Variants in PDAP1 observed in about 807,000 individuals in gnomAD.
PDAP1 encodes 28 kDa heat- and acid-stable phosphoprotein.
In PDAP1, 13 loss-of-function variants were observed where a neutral mutation model predicts 28.0. That is an observed-to-expected ratio of 0.46 (90% CI 0.30 to 0.74). The LOEUF is 0.74. PDAP1 is among the 30% of genes least tolerant of loss of function. PDAP1 has a pLI of 0.07. For synonymous variants in PDAP1, 77 were observed against 85.1 expected (o/e 0.91, Z 0.52); for missense variants, 150 against 230.0 (o/e 0.65, Z 2.25).
chr7:99,399,808 C>T (rs935928584), intron 4 of PDAP1, among the ~76,000 whole-genome samples: 5 of 152,230 alleles, frequency 3.3e-5, no homozygotes, highest in African/African-American at 1.2e-4. Flanking sequence ...TGATCTTGAT[C>T]CTCATACGAC....
intron 4 of PDAP1, among the ~76,000 whole-genome samples, chr7:99,398,927 A>C (rs1040315795): frequency 1.3e-5 from 2 of 152,196 alleles, no homozygotes. Context: ...AAGTGTCAGG[A>C]ATGAACCCCC....
At chr7:99,398,141 C>T (rs1265531700) in intron 4 of PDAP1, 128 bp from the exon 5 acceptor site, 1 of 995,936 alleles carries the variant, frequency 1.0e-6, no homozygotes, top group South Asian at 1.4e-5. Flanking sequence ...GGCTGTGAGT[C>T]CCTGCCTCCA....
chr7:99,404,325 C>T (rs758438005), intron 2 of PDAP1, among the ~76,000 whole-genome samples: 2 of 152,114 alleles, frequency 1.3e-5, no homozygotes, highest in African/African-American at 2.4e-5. Flanking sequence ...TATTTCCTAA[C>T]GGTGGCCTGG....
intron 1 of PDAP1, among the ~76,000 whole-genome samples, chr7:99,405,289 CAT>C (rs1197974469): frequency 6.6e-6 from 1 of 152,100 alleles, no homozygotes; most frequent in Non-Finnish European, 1.5e-5. Context: ...ACCACAGAAA[CAT>C]GTACCACTTA....
chr7:99,395,502 A>G lies in PDAP1; in HGVS notation c.*1180T>C, dbSNP rs1794737272. The G allele has an allele frequency of 6.6e-6, 1 of 152,098 alleles. No homozygotes were observed. The highest frequency in any genetic ancestry group is 2.4e-5 in the African/African-American group (1 of 41,382). The allele number at this position is 152,098 out of a possible 1,614,324, so 9.4% of individuals were successfully genotyped here. A position where few individuals can be genotyped will look rare whatever the true frequency, so the allele number is the denominator to read the frequency against. On this transcript the variant is annotated 3_prime_UTR_variant, in exon 6 of 6. Transcript: ENST00000350498. ...TTTGTCATTACAATGTTGGCAAGATATTTTTTTCGTGTGCTGTAAACTGAG... is the reference window on the plus strand; with the variant it reads ...TTTGTCATTACAATGTTGGCAAGATGTTTTTTTCGTGTGCTGTAAACTGAG...
rs1303289494 is a variant in PDAP1, at chr7:99,396,469, T to G, written c.*213A>C. 2 of 602,810 alleles carry G rather than the reference T, an allele frequency of 3.3e-6. No homozygotes were observed. The highest frequency in any genetic ancestry group is 5.6e-5 in the East Asian group (2 of 35,736). The allele number at this position is 602,810 out of a possible 1,614,324, so 37.3% of individuals were successfully genotyped here. ...CATATGAAATGCTGTCCTGCATCTT[T>G]CTGTCTCAAAGATAGCAGCTACCCC... On this transcript the variant is annotated 3_prime_UTR_variant, in exon 6 of 6. Transcript: ENST00000350498.
At chr7:99,396,883 G>A (rs1482834964) in intron 5 of PDAP1, 143 bp from the exon 6 acceptor site, 4 of 670,188 alleles carry the variant, frequency 6.0e-6, no homozygotes, top group South Asian at 5.6e-5. Flanking sequence ...GCGTGGGAGA[G>A]GATTTCTGCT....
intron 4 of PDAP1, among the ~76,000 whole-genome samples, chr7:99,399,164 T>C (rs944290771): frequency 2.6e-5 from 4 of 151,790 alleles, no homozygotes; most frequent in African/African-American, 9.7e-5. Context: ...TGGGGAGTAA[T>C]GAGAAACCAG....
chr7:99,403,964 C>T (rs1026497461), intron 2 of PDAP1, among the ~76,000 whole-genome samples: 6 of 152,174 alleles, frequency 3.9e-5, no homozygotes, highest in Admixed American at 1.3e-4. Context: ...AGTCATCCCC[C>T]CGACCCACCC....
intron 3 of PDAP1, among the ~76,000 whole-genome samples, chr7:99,403,043 G>C (rs1476621484): frequency 6.6e-6 from 1 of 152,140 alleles, no homozygotes; most frequent in Non-Finnish European, 1.5e-5. Flanking sequence ...AACATGCCAA[G>C]CTTATTCCCA....
chr7:99,408,577 GC>G lies in PDAP1; in HGVS notation c.-30del. 1 of 1,270,034 alleles carries G rather than the reference GC, an allele frequency of 7.9e-7. No homozygotes were observed. Among genetic ancestry groups the G allele is most frequent in the Non-Finnish European group, 9.9e-7 (1 of 1,005,792 alleles). The allele number at this position is 1,270,034 out of a possible 1,614,324, so 78.7% of individuals were successfully genotyped here. A position where few individuals can be genotyped will look rare whatever the true frequency, so the allele number is the denominator to read the frequency against. ...GGCTCCGGCGGCTGCGGCGGCGGCGGCGGCGCCTCGAACTGACACCGGAACC... is the reference window on the plus strand; with the variant it reads ...GGCTCCGGCGGCTGCGGCGGCGGCGGGGCGCCTCGAACTGACACCGGAACC... On this transcript the variant is annotated 5_prime_UTR_variant, in exon 1 of 6. Transcript: ENST00000350498.
At chr7:99,399,252 A>G (rs1334830107) in intron 4 of PDAP1, among the ~76,000 whole-genome samples, 1 of 152,048 alleles carries the variant, frequency 6.6e-6, no homozygotes, top group Non-Finnish European at 1.5e-5. Context: ...AGCTGAGGAG[A>G]TAATACCTGG....
In PDAP1 at chr7:99,394,698, G is replaced by GGAA. The variant is rs545897506; in HGVS notation, c.*1983_*1984insTTC. The stretch of plus-strand genomic sequence containing the variant: ...TTTTTCTTAAATGCTTTCATTTATT[G>GGAA]AAAAAAAAAAAAAATGCCCCCAAAG... On this transcript the variant is annotated 3_prime_UTR_variant, in exon 6 of 6. Coordinates refer to ENST00000350498, the MANE Select transcript of PDAP1 (RefSeq NM_014891.7). 1.3e-6 allele frequency: 1 copy of GGAA among 762,656 alleles called. No individual in the cohort carries two copies. Among genetic ancestry groups the GGAA allele is most frequent in the African/African-American group, 2.0e-5 (1 of 48,956 alleles). The allele number at this position is 762,656 out of a possible 1,614,324, so 47.2% of individuals were successfully genotyped here. A position where few individuals can be genotyped will look rare whatever the true frequency, so the allele number is the denominator to read the frequency against.
Position 99,396,621 on chromosome 7 carries a change from A to G in PDAP1, c.*61T>C. On this transcript the variant is annotated 3_prime_UTR_variant, in exon 6 of 6. Transcript: ENST00000350498. ...GGCGCCAGGGCACAGGGTGGGCGAGACACAGCAGAGGTCCTGGCAGCGCGG... is the reference window on the plus strand; with the variant it reads ...GGCGCCAGGGCACAGGGTGGGCGAGGCACAGCAGAGGTCCTGGCAGCGCGG... 1 of 1,420,934 alleles carries G rather than the reference A, an allele frequency of 7.0e-7. No homozygotes were observed. The highest frequency in any genetic ancestry group is 9.9e-7 in the Non-Finnish European group (1 of 1,008,132). The allele number at this position is 1,420,934 out of a possible 1,614,324, so 88.0% of individuals were successfully genotyped here.
At chr7:99,403,358 G>GA in intron 3 of PDAP1, 40 bp downstream of exon 3, 1 of 1,211,098 alleles carries the variant, frequency 8.3e-7, no homozygotes, top group Non-Finnish European at 1.2e-6. Context: ...TTTGTTGAAT[G>GA]AATGAGTCCA....
intron 5 of PDAP1, among the ~76,000 whole-genome samples, chr7:99,397,542 A>C (rs1442779390): frequency 1.3e-5 from 2 of 152,184 alleles, no homozygotes; most frequent in African/African-American, 4.8e-5. Context: ...GGGACCTGTG[A>C]GCCTCAGGCA....
At position 99,396,170 on chromosome 7, in the gene PDAP1, GGTCA is replaced by G. The variant is rs1313502923; in HGVS notation, c.*508_*511del. 12 of 172,160 alleles carry G rather than the reference GGTCA, an allele frequency of 7.0e-5. No individual in the cohort carries two copies. In the South Asian group the frequency reaches 1.1e-3, roughly 16 times the overall value. The allele number at this position is 172,160 out of a possible 1,614,324, so 10.7% of individuals were successfully genotyped here. ...GAAGGGCAGAGAGGTGAGGCCCTGAGGTCAGTCAGACAGGACTGACCAGGGACAA... is the reference window on the plus strand; with the variant it reads ...GAAGGGCAGAGAGGTGAGGCCCTGAGGTCAGACAGGACTGACCAGGGACAA... On this transcript the variant is annotated 3_prime_UTR_variant, in exon 6 of 6. Transcript: ENST00000350498.
chr7:99,404,742 C>T lies in PDAP1; in HGVS notation c.105+120G>A, dbSNP rs1794938046. On this transcript the variant is annotated intron_variant, in intron 2 of 5. Transcript: ENST00000350498. ...TCACACCTGGGGCTCACTGCCCGCC[C>T]GACCCCCACGTGCTGGCTTGTCCCT... is the stretch of plus-strand genomic sequence containing the variant. 5.8e-6 allele frequency: 4 copies of T among 693,534 alleles called. No individual in the cohort carries two copies. In the South Asian group the frequency reaches 7.1e-5, roughly 12 times the overall value. The allele number at this position is 693,534 out of a possible 1,614,324, so 43.0% of individuals were successfully genotyped here. A position where few individuals can be genotyped will look rare whatever the true frequency, so the allele number is the denominator to read the frequency against.
intron 1 of PDAP1, among the ~76,000 whole-genome samples, chr7:99,405,233 A>G (rs1287721411): frequency 1.3e-5 from 2 of 152,216 alleles, no homozygotes; most frequent in African/African-American, 4.8e-5. Context: ...ATGACTTGCT[A>G]CATCCCCTGG....
Sources: gnomAD v4.1 joint callset for allele counts (sites outside exome capture counted in the v4.1 genomes callset) on GRCh38, gnomAD v4.1.1 for gene constraint, MANE v1.5 for transcripts, NCBI Gene and HGNC (gene_info 2026-07-23, HGNC 2026-07-21) for gene names.